FBXO38: variants seen among roughly 807,000 people sequenced by gnomAD.
The protein encoded by FBXO38 is F-box only protein 38.
In FBXO38, 53 loss-of-function variants were observed where a neutral mutation model predicts 131.9. That is an observed-to-expected ratio of 0.40 (90% confidence interval 0.32 to 0.51). The LOEUF (loss-of-function observed/expected upper bound fraction) is 0.51. Among genes scored for constraint, FBXO38 ranks in the 20% least tolerant of loss-of-function variants. The pLI, the probability that FBXO38 is intolerant of heterozygous loss-of-function variation, is 0.53. For synonymous variants in FBXO38, 452 were observed against 505.6 expected (o/e 0.89, Z 1.42); for missense variants, 1,076 against 1,475.6 (o/e 0.73, Z 4.44).
Position 148,427,835 on chromosome 5 carries a change from G to T in FBXO38, c.2541G>T (p.Arg847Ser). ...CTGGGGCTACAGGTGAGGACAGGAG[G>T]GGGAGCTCCCAGCCTGAGAGTTGTG... ...SGSGATGEDRRGSSQPESCDV... is the reference protein window; with the variant it reads ...SGSGATGEDRSGSSQPESCDV... Residue 847 changes from arginine (R) to serine (S), a missense_variant, in exon 15 of 22, where the codon AGG becomes AGT. Arg to Ser is a moderately radical substitution (Grantham distance 110). This residue lies in a region of FBXO38 where 213 missense variants were observed against 225.2 expected (regional missense o/e 0.95). Coordinates refer to ENST00000340253, the MANE Select transcript of FBXO38 (RefSeq NM_205836.3). 1 of 1,602,680 alleles carries T rather than the reference G, an allele frequency of 6.2e-7. No homozygotes were observed. Among genetic ancestry groups the T allele is most frequent in the Non-Finnish European group, 8.5e-7 (1 of 1,174,774 alleles).
chr5:148,400,831 A>G (rs867733186), intron 3 of FBXO38, among the ~76,000 whole-genome samples: 1 of 152,098 alleles, frequency 6.6e-6, no homozygotes. Context: ...AACTCTCTCA[A>G]CTTCATTTTT....
chr5:148,441,996 G>T lies in FBXO38; in HGVS notation c.3416G>T (p.Gly1139Val). ...ESTIYAPRRK[G>V]QLSADICMET... ...ACTATCTATGCTCCTAGAAGGAAAG[G>T]ACAGCTGTCTGCAGACATCTGTATG... The change falls in exon 22 of 22, where the codon GGA becomes GTA. Residue 1139 changes from glycine to valine, a missense_variant. By Grantham distance (109) the Gly-to-Val change is moderately radical. Transcript: ENST00000340253. 1 of 1,613,668 alleles carries T rather than the reference G, an allele frequency of 6.2e-7. No homozygotes were observed. The highest frequency in any genetic ancestry group is 1.1e-5 in the South Asian group (1 of 91,034).
chr5:148,386,804 C>A (rs1757937456), intron 1 of FBXO38, among the ~76,000 whole-genome samples: 1 of 152,088 alleles, frequency 6.6e-6, no homozygotes, highest in Non-Finnish European at 1.5e-5. Context: ...TTTGGTTTCC[C>A]TGTGTATATA....
rs1466725786 is a variant in FBXO38, at chr5:148,394,909, G to A, written c.128+5G>A. The A allele has an allele frequency of 1.3e-6, 2 of 1,569,746 alleles. No homozygotes were observed. The highest frequency in any genetic ancestry group is 3.7e-5 in the Admixed American group (2 of 53,572). ...AGTACTTTGCCATATTTTTAGGTAA[G>A]ATTGTGTTTGGTTGGCTTACCTGCC... On this transcript the variant is annotated splice_donor_5th_base_variant and intron_variant, in intron 2 of 21. Coordinates refer to ENST00000340253, the MANE Select transcript of FBXO38 (RefSeq NM_205836.3).
intron 12 of FBXO38, among the ~76,000 whole-genome samples, chr5:148,421,355 A>T (rs1270879028): frequency 6.6e-6 from 1 of 152,152 alleles, no homozygotes; most frequent in Non-Finnish European, 1.5e-5. Context: ...TAAAATTTTT[A>T]TTTTTGAAGC....
At chr5:148,440,057 G>A (rs140146204) in intron 19 of FBXO38, among the ~76,000 whole-genome samples, 17 of 152,048 alleles carry the variant, frequency 1.1e-4, no homozygotes, top group African/African-American at 3.9e-4. Flanking sequence ...TTTAGCCTTG[G>A]GGCATGAAAA....
chr5:148,412,374 AT>A (rs762385799), intron 9 of FBXO38, among the ~76,000 whole-genome samples: 42 of 152,236 alleles, frequency 2.8e-4, no homozygotes, highest in Non-Finnish European at 4.9e-4. Context: ...CTTCTCAGTA[AT>A]TTAGATTTGA....
chr5:148,429,332 AT>A (rs34170712), intron 15 of FBXO38, among the ~76,000 whole-genome samples: 2,876 of 147,416 alleles, frequency 0.02, 85 homozygotes, highest in African/African-American at 0.064. Flanking sequence ...GTGGGAGCTA[AT>A]TTTTTTTTTT....
At chr5:148,413,308 G>C (rs1360230906) in intron 9 of FBXO38, 1 of 151,834 alleles carries the variant, frequency 6.6e-6, no homozygotes, top group Non-Finnish European at 1.5e-5. Context: ...GTAAATCCCT[G>C]TGATATTCAG....
intron 3 of FBXO38, among the ~76,000 whole-genome samples, chr5:148,400,090 T>C (rs1350254082): frequency 6.6e-6 from 1 of 151,852 alleles, no homozygotes; most frequent in African/African-American, 2.4e-5. Flanking sequence ...TCTTATCAGC[T>C]GGCCATAGTA....
chr5:148,437,075 G>A (rs951677078), intron 17 of FBXO38, among the ~76,000 whole-genome samples: 1 of 152,152 alleles, frequency 6.6e-6, no homozygotes, highest in African/African-American at 2.4e-5. Context: ...TGAGCTCTCC[G>A]AGAATCTGAC....
rs59722938 is a variant in FBXO38 at position 148,440,153 on chromosome 5, T to G, written c.3171-271T>G. On this transcript the variant is annotated intron_variant, in intron 19 of 21. Coordinates refer to ENST00000340253, the MANE Select transcript of FBXO38 (RefSeq NM_205836.3). ...TTTTATAAATTTGTTATATAAATGT[T>G]GCATTAAGCACCTTTTGTGTAGAAG... Among the ~76,000 whole-genome samples, 2,779 of 152,326 alleles carry G rather than the reference T, an allele frequency of 0.018. 95 individuals are homozygous for G. The highest frequency in any genetic ancestry group is 0.063 in the African/African-American group (2,612 of 41,568).
At chr5:148,391,154 A>C (rs915171617) in intron 1 of FBXO38, among the ~76,000 whole-genome samples, 1 of 152,190 alleles carries the variant, frequency 6.6e-6, no homozygotes. Context: ...CTAGGTTATA[A>C]GTTTGTTGCT....
At chr5:148,432,291 A>G (rs1439455602) in intron 15 of FBXO38, among the ~76,000 whole-genome samples, 3 of 152,220 alleles carry the variant, frequency 2.0e-5, no homozygotes, top group Non-Finnish European at 4.4e-5. Context: ...AGTTTTAGCT[A>G]TTAGCACTTG....
chr5:148,406,073 T>C (rs1752428895), intron 6 of FBXO38, among the ~76,000 whole-genome samples, 184 bp from the exon 7 acceptor site: 1 of 152,240 alleles, frequency 6.6e-6, no homozygotes, highest in South Asian at 2.1e-4. Flanking sequence ...AAAACCTTTA[T>C]GCTGAGTAAG....
Position 148,423,860 on chromosome 5 carries a change from T to A in FBXO38, c.1619-138T>A, listed in dbSNP as rs1452494498. 6.3e-6 allele frequency: 4 copies of A among 638,382 alleles called. No homozygotes were observed. The East Asian group carries it at 1.1e-4, about 18-fold the overall frequency. 39.5% of individuals were successfully genotyped at this position (638,382 alleles called of 1,614,324 possible). On this transcript the variant is annotated intron_variant, in intron 12 of 21. Coordinates refer to ENST00000340253, the MANE Select transcript of FBXO38 (RefSeq NM_205836.3). ...TATCTGCAGTAACAAGCACAGTGTA[T>A]GCAGTATATGCTGTTCTTTCAGGGC...
chr5:148,441,348 CA>C, intron 21 of FBXO38, 111 bp downstream of exon 21: 1 of 759,404 alleles, frequency 1.3e-6, no homozygotes, highest in Non-Finnish European at 2.2e-6. Flanking sequence ...AATGGTTTCC[CA>C]TAGAAATAAT....
Position 148,433,404 on chromosome 5 carries a change from T to C in FBXO38, c.2654-20T>C, listed in dbSNP as rs1167428702. ...AAGCAAGGCTAAAATTTGGATTTTC[T>C]TTTTTTTTGCCTTTTTTAGAAGTAG... is the stretch of plus-strand genomic sequence containing the variant. On this transcript the variant is annotated intron_variant, in intron 15 of 21. Coordinates refer to ENST00000340253, the MANE Select transcript of FBXO38 (RefSeq NM_205836.3). The C allele has an allele frequency of 4.1e-6, 6 of 1,468,404 alleles. No individual in the cohort carries two copies. Among genetic ancestry groups the C allele is most frequent in the Non-Finnish European group, 5.6e-6 (6 of 1,069,896 alleles). The allele number at this position is 1,468,404 out of a possible 1,614,324, so 91.0% of individuals were successfully genotyped here. A position where few individuals can be genotyped will look rare whatever the true frequency, so the allele number is the denominator to read the frequency against.
In FBXO38 at chr5:148,404,806, C is replaced by G; in HGVS notation, c.714C>G (p.Val238=). Residue 238 remains valine (V), a synonymous_variant, in exon 6 of 22, where the codon GTC becomes GTG. Transcript: ENST00000340253. ...DFLCISLRTF[V]MRNCAGPTNS... ...TTTGTATCAGCTTAAGAACTTTCGT[C>G]ATGAGGAACTGTGCAGGTAATGGTA... is the stretch of plus-strand genomic sequence containing the variant. 1 of 1,606,128 alleles carries G rather than the reference C, an allele frequency of 6.2e-7. No individual in the cohort carries two copies. Among genetic ancestry groups the G allele is most frequent in the Non-Finnish European group, 8.5e-7 (1 of 1,177,576 alleles).
Sources: gnomAD v4.1 joint callset for allele counts (sites outside exome capture counted in the v4.1 genomes callset) on GRCh38, gnomAD v4.1.1 for gene constraint, gnomAD v4.1.1 regional missense constraint, MANE v1.5 for transcripts, NCBI Gene and HGNC (gene_info 2026-07-23, HGNC 2026-07-21) for gene names.